LAMA1: variants seen among roughly 807,000 people sequenced by gnomAD.
LAMA1 encodes laminin subunit alpha-1.
Under a neutral mutation model 348.7 loss-of-function variants are expected in LAMA1, and 219 were observed. The observed-to-expected ratio is 0.63, with a 90% CI of 0.56 to 0.70. LAMA1 has a LOEUF of 0.70. Ranked by LOEUF, LAMA1 falls within the 30% of genes least tolerant of loss-of-function variation. The pLI, the probability that LAMA1 is intolerant of heterozygous loss-of-function variation, is 0.00. For missense variants in LAMA1, 3,744 were observed against 3,888.0 expected, an observed-to-expected ratio of 0.96 and a Z score of 0.99; for synonymous variants, 1,487 against 1,491.0, an observed-to-expected ratio of 1.00 and a Z score of 0.06.
At chr18:7,015,050 G>A (rs989009853) in intron 22 of LAMA1, among the ~76,000 whole-genome samples, 3 of 151,936 alleles carry the variant, frequency 2.0e-5, no homozygotes, top group Admixed American at 6.6e-5. Flanking sequence ...GGGTTTCACC[G>A]TGTTAGCCAG....
chr18:6,959,648 T>G, intron 53 of LAMA1, 156 bp from the exon 54 acceptor site: 1 of 759,912 alleles, frequency 1.3e-6, no homozygotes, highest in Non-Finnish European at 2.2e-6. Context: ...ACATTTTGTA[T>G]GTTACTTTCT....
rs61162473 is a variant in LAMA1, at chr18:7,012,463, C to T, written c.3364-325G>A. Reference sequence around the variant, plus strand: ...GATGATCCCTGGGTGTGAGAGCCACCGGCCAGGTGATAAATATTATTATTA... The same window carrying T: ...GATGATCCCTGGGTGTGAGAGCCACTGGCCAGGTGATAAATATTATTATTA... On this transcript the variant is annotated intron_variant, in intron 23 of 62. Transcript: ENST00000389658. Among the ~76,000 whole-genome samples the T allele has an allele frequency of 5.8e-3, 871 of 149,060 alleles. 14 individuals carry two copies. Among genetic ancestry groups the T allele is most frequent in the African/African-American group, 0.021 (839 of 40,432 alleles).
chr18:6,959,354 C>A lies in LAMA1; in HGVS notation c.7765G>T (p.Val2589Phe). Residue 2589 changes from valine (V) to phenylalanine (F), a missense_variant, in exon 54 of 63, where the codon GTC (valine) becomes TTC (phenylalanine). Physicochemically the swap from Val to Phe is conservative, Grantham distance 50. Transcript: ENST00000389658. ...GCGTGCAAGTACCTCCGATTCCTGACCAAGGAGATGGAATGCGCTTGTCCA... is the reference window on the plus strand; with the variant it reads ...GCGTGCAAGTACCTCCGATTCCTGAACAAGGAGATGGAATGCGCTTGTCCA... ...SDGQAHSISL[V>F]RNRRIITVQL... is the part of the protein sequence containing the mutation. 6.2e-7 allele frequency: 1 copy of A among 1,614,130 alleles called. No individual in the cohort carries two copies. Among genetic ancestry groups the A allele is most frequent in the Non-Finnish European group, 8.5e-7 (1 of 1,180,036 alleles).
chr18:7,044,640 T>G, intron 7 of LAMA1, 82 bp downstream of exon 7: 1 of 1,084,418 alleles, frequency 9.2e-7, no homozygotes, highest in South Asian at 1.2e-5. Flanking sequence ...ACCTGCTAAC[T>G]ATAAAAGTTG....
intron 29 of LAMA1, among the ~76,000 whole-genome samples, 185 bp downstream of exon 29, chr18:7,006,953 AT>A (rs1175929927): frequency 6.6e-6 from 1 of 152,206 alleles, no homozygotes; most frequent in African/African-American, 2.4e-5. Context: ...TTATAAAAGA[AT>A]TTCCACTGAT....
At chr18:7,071,921 T>C (rs1353661104) in intron 3 of LAMA1, among the ~76,000 whole-genome samples, 8 of 152,254 alleles carry the variant, frequency 5.3e-5, no homozygotes, top group Admixed American at 1.3e-4. Flanking sequence ...CATAGCACAA[T>C]GTCTGGCACA....
At position 6,982,516 on chromosome 18, in the gene LAMA1, G is replaced by A. The variant is rs1600370663; in HGVS notation, c.5871C>T (p.Asn1957=). The change falls in exon 41 of 63, where the codon AAC becomes AAT. Residue 1957 remains asparagine (N), a synonymous_variant. Coordinates refer to ENST00000389658, the MANE Select transcript of LAMA1 (RefSeq NM_005559.4). ...ACTGACCTGGAAGCTTCCTGCTGAG[G>A]TTGTTGCCTTCTTTTAGAAATCTGG... ...RSSRFLKEGN[N]LSRKLPGIAL... is the part of the protein sequence containing the mutation. 1.2e-6 allele frequency: 2 copies of A among 1,614,184 alleles called. No homozygotes were observed. Among genetic ancestry groups the A allele is most frequent in the Non-Finnish European group, 1.7e-6 (2 of 1,180,042 alleles).
intron 1 of LAMA1, among the ~76,000 whole-genome samples, chr18:7,092,007 T>C (rs1410243896): frequency 6.6e-6 from 1 of 152,206 alleles, no homozygotes; most frequent in East Asian, 1.9e-4. Flanking sequence ...AGAAATCATT[T>C]GAGTTACGTT....
chr18:7,058,709 C>T (rs921382243), intron 3 of LAMA1, among the ~76,000 whole-genome samples: 1 of 152,206 alleles, frequency 6.6e-6, no homozygotes. Flanking sequence ...ACACCTTGAC[C>T]TTAGACTTCA....
At chr18:7,014,375 CT>C in intron 22 of LAMA1, among the ~76,000 whole-genome samples, 1 of 152,300 alleles carries the variant, frequency 6.6e-6, no homozygotes, top group African/African-American at 2.4e-5. Flanking sequence ...AATTATGGCA[CT>C]TTGGGATACA....
rs1385270120 is a variant in LAMA1, at chr18:7,043,475, C to T, written c.977-70G>A. On this transcript the variant is annotated intron_variant, in intron 7 of 62. Coordinates refer to ENST00000389658, the MANE Select transcript of LAMA1 (RefSeq NM_005559.4). ...CTTATACAAAGAAAACTCTTAACCT[C>T]CCTAAGTAAGTTCTATGATTTTAGA... is the stretch of plus-strand genomic sequence containing the variant. The T allele has an allele frequency of 3.2e-6, 4 of 1,245,496 alleles. No individual in the cohort carries two copies. In the Admixed American group the frequency reaches 6.9e-5, roughly 21 times the overall value. The allele number at this position is 1,245,496 out of a possible 1,614,324, so 77.2% of individuals were successfully genotyped here. A position where few individuals can be genotyped will look rare whatever the true frequency, so the allele number is the denominator to read the frequency against.
In LAMA1 at chr18:7,080,254, T is replaced by C. The variant is rs192526789; in HGVS notation, c.232+33A>G. The C allele has an allele frequency of 1.9e-4, 306 of 1,613,596 alleles. No individual in the cohort carries two copies. The African/African-American group carries it at 3.6e-3, about 19-fold the overall frequency. ...TCATTTCACAAAGTGTACATTCCCA[T>C]GGGAATTTCAGAAATAAAGGCGCGA... On this transcript the variant is annotated intron_variant, in intron 2 of 62. Coordinates refer to ENST00000389658, the MANE Select transcript of LAMA1 (RefSeq NM_005559.4).
intron 1 of LAMA1, 54 bp from the exon 2 acceptor site, chr18:7,080,511 G>A (rs770233548): frequency 9.7e-5 from 153 of 1,580,516 alleles, no homozygotes; most frequent in Non-Finnish European, 1.2e-4. Flanking sequence ...CAAAGAATGA[G>A]CTTACCCCAT....
At chr18:7,096,946 C>T (rs979221604) in intron 1 of LAMA1, among the ~76,000 whole-genome samples, 2 of 152,156 alleles carry the variant, frequency 1.3e-5, no homozygotes, top group African/African-American at 4.8e-5. Context: ...CCCAGCCCGT[C>T]GGCAGGGGAG....
rs1206235998 is a variant in LAMA1, at chr18:7,057,794, CTTTCT to C, written c.346-6863_346-6859del. 4.6e-3 allele frequency among the ~76,000 whole-genome samples: 653 copies of C among 141,348 alleles called. 1 individual carries two copies. Among genetic ancestry groups the C allele is most frequent in the African/African-American group, 0.016 (580 of 35,750 alleles). The allele number at this position is 141,348 out of a possible 152,430, so 92.7% of individuals were successfully genotyped here. A position where few individuals can be genotyped will look rare whatever the true frequency, so the allele number is the denominator to read the frequency against. On this transcript the variant is annotated intron_variant, in intron 3 of 62. Coordinates refer to ENST00000389658, the MANE Select transcript of LAMA1 (RefSeq NM_005559.4). ...GCATCCAGCCCAAAATTCTTTCTTT[CTTTCT>C]TTTTTTTTTTTTTGAGATAGAGTCT... is the stretch of plus-strand genomic sequence containing the variant.
intron 1 of LAMA1, among the ~76,000 whole-genome samples, chr18:7,106,269 G>A (rs1159941774): frequency 6.6e-6 from 1 of 152,130 alleles, no homozygotes; most frequent in Non-Finnish European, 1.5e-5. Context: ...CTGCCTCCTT[G>A]CATTGCTGTG....
Position 7,107,875 on chromosome 18 carries a change from C to G in LAMA1, c.61+9785G>C, listed in dbSNP as rs1051333609. Among the ~76,000 whole-genome samples the G allele has an allele frequency of 9.9e-5, 15 of 151,392 alleles. No homozygotes were observed. The East Asian group carries it at 1.4e-3, about 14-fold the overall frequency. ...TAAAAATACAAAAAATTAGCCGGGC[C>G]TGGTGGCGGGTGCCTGTAGTCCCAG... On this transcript the variant is annotated intron_variant, in intron 1 of 62. Coordinates refer to ENST00000389658, the MANE Select transcript of LAMA1 (RefSeq NM_005559.4).
intron 56 of LAMA1, 116 bp from the exon 57 acceptor site, chr18:6,955,581 C>T: frequency 1.4e-6 from 1 of 736,648 alleles, no homozygotes; most frequent in Non-Finnish European, 2.4e-6. Flanking sequence ...ACAGCAACAA[C>T]CACCAGTGCC....
At position 7,046,355 on chromosome 18, in the gene LAMA1, T is replaced by C. The variant is rs370249044; in HGVS notation, c.781A>G (p.Ile261Val). Reference sequence around the variant, plus strand: ...ATGCCTCCAACAGAAATGTCCTTTATTGAATAATAATACTAAGGAAAAAGA... The same window carrying C: ...ATGCCTCCAACAGAAATGTCCTTTACTGAATAATAATACTAAGGAAAAAGA... ...PIVTRRYYYS[I>V]KDISVGGMCI... is the part of the protein sequence containing the mutation. The change falls in exon 6 of 63, where the codon ATA becomes GTA. Residue 261 changes from isoleucine (I) to valine (V), a missense_variant. Coordinates refer to ENST00000389658, the MANE Select transcript of LAMA1 (RefSeq NM_005559.4). 6.4e-5 allele frequency: 103 copies of C among 1,598,532 alleles called. No individual in the cohort carries two copies. Among genetic ancestry groups the C allele is most frequent in the African/African-American group, 5.4e-4 (40 of 74,578 alleles).
Sources: gnomAD v4.1 joint callset for allele counts (sites outside exome capture counted in the v4.1 genomes callset) on GRCh38, gnomAD v4.1.1 for gene constraint, MANE v1.5 for transcripts, NCBI Gene and HGNC (gene_info 2026-07-23, HGNC 2026-07-21) for gene names.